DROSHA: variants seen among roughly 807,000 people sequenced by gnomAD.
DROSHA encodes ribonuclease 3.
Under a neutral mutation model 181.9 loss-of-function variants are expected in DROSHA, and 56 were observed. That is an observed-to-expected ratio of 0.31 (90% CI 0.25 to 0.38). DROSHA has a LOEUF of 0.38. DROSHA is among the 10% of genes least tolerant of loss of function. The pLI is 1.00. For missense variants in DROSHA, 1,218 were observed against 1,743.5 expected (o/e 0.70, Z 5.37); for synonymous variants, 524 against 591.2 (o/e 0.89, Z 1.65).
At chr5:31,447,469 A>G (rs1324919662) in intron 23 of DROSHA, among the ~76,000 whole-genome samples, 1 of 152,222 alleles carries the variant, frequency 6.6e-6, no homozygotes, top group Non-Finnish European at 1.5e-5. Flanking sequence ...AGAAATTGAC[A>G]AGCTAATCCA....
Position 31,484,885 on chromosome 5 carries a change from A to G in DROSHA, c.1992T>C (p.Leu664=). Residue 664 remains leucine (L), a synonymous_variant, in exon 15 of 36, where the codon CTT becomes CTC. Transcript: ENST00000344624. ...TCTTTAAATCCTATTACTTACCTTTAAGATTCCAGTCATATAATTCCAAAA... is the reference window on the plus strand; with the variant it reads ...TCTTTAAATCCTATTACTTACCTTTGAGATTCCAGTCATATAATTCCAAAA... The part of the protein sequence containing the change: ...RDILELYDWN[L]KGPLFEDSPP... 1 of 1,536,874 alleles carries G rather than the reference A, an allele frequency of 6.5e-7. No homozygotes were observed. The highest frequency in any genetic ancestry group is 8.8e-7 in the Non-Finnish European group (1 of 1,136,604).
intron 35 of DROSHA, among the ~76,000 whole-genome samples, chr5:31,404,329 G>A (rs113364715): frequency 4.6e-5 from 7 of 152,192 alleles, no homozygotes; most frequent in African/African-American, 1.7e-4. Flanking sequence ...TATGTACAAT[G>A]GATGAAGTTC....
intron 23 of DROSHA, among the ~76,000 whole-genome samples, chr5:31,445,895 A>G (rs1165634446): frequency 2.6e-5 from 4 of 152,200 alleles, no homozygotes; most frequent in Non-Finnish European, 2.9e-5. Flanking sequence ...CAATACTTCT[A>G]TTCAGTATTG....
intron 22 of DROSHA, 101 bp downstream of exon 22, chr5:31,449,180 G>T: frequency 1.4e-6 from 2 of 1,442,970 alleles, no homozygotes; most frequent in South Asian, 1.4e-5. Flanking sequence ...ATGAGACGGT[G>T]AAAGAGTCAC....
intron 35 of DROSHA, among the ~76,000 whole-genome samples, chr5:31,405,030 A>G (rs1230376307): frequency 6.6e-6 from 1 of 152,228 alleles, no homozygotes; most frequent in Admixed American, 6.5e-5. Flanking sequence ...CTTCACACGT[A>G]TACTTTTCTG....
rs371138143 is a variant in DROSHA, at chr5:31,416,045, GCA to G, written c.3526-5160_3526-5159del. On this transcript the variant is annotated intron_variant, in intron 30 of 35. Coordinates refer to ENST00000344624, the MANE Select transcript of DROSHA (RefSeq NM_001382508.1). ...CAGAACAGAATGTTTTTCCCCATCAGCATTCAAAACTTGAAAGCCATATTACA... is the reference window on the plus strand; with the variant it reads ...CAGAACAGAATGTTTTTCCCCATCAGTTCAAAACTTGAAAGCCATATTACA... Among the ~76,000 whole-genome samples the G allele has an allele frequency of 2.2e-3, 336 of 152,248 alleles. 1 individual carries two copies. The highest frequency in any genetic ancestry group is 7.7e-3 in the African/African-American group (319 of 41,536).
rs188370195 is a variant in DROSHA at position 31,452,614 on chromosome 5, C to A, written c.2575-974G>T. Among the ~76,000 whole-genome samples, 6 of 152,236 alleles carry A rather than the reference C, an allele frequency of 3.9e-5. No individual in the cohort carries two copies. The South Asian group carries it at 6.2e-4, about 16-fold the overall frequency. The stretch of plus-strand genomic sequence containing the variant: ...GACATATGCTTTATATTATTTCAGT[C>A]TTTGAAGTGTTTTAAGCTGGTATTG... On this transcript the variant is annotated intron_variant, in intron 20 of 35. Transcript: ENST00000344624.
intron 9 of DROSHA, among the ~76,000 whole-genome samples, chr5:31,509,042 C>T (rs913377656): frequency 1.3e-5 from 2 of 152,020 alleles, no homozygotes; most frequent in African/African-American, 4.8e-5. Context: ...AGGCTGGTCT[C>T]GAACTCCTGA....
chr5:31,468,615 T>A (rs989430716), intron 17 of DROSHA, among the ~76,000 whole-genome samples: 1 of 152,238 alleles, frequency 6.6e-6, no homozygotes. Context: ...GAGAGCCTCA[T>A]ATTTTTTTCT....
chr5:31,531,467 T>A lies in DROSHA; in HGVS notation c.-191A>T, dbSNP rs1006892338. On this transcript the variant is annotated 5_prime_UTR_variant, in exon 2 of 36. In the 5' UTR this introduces an upstream ATG that the reference lacks. Coordinates refer to ENST00000344624, the MANE Select transcript of DROSHA (RefSeq NM_001382508.1). ...CACTGCACCTGGAAAAGTAACTCTC[T>A]TTTCTCCGTCTGTCTCTTCTCGGTT... 2 of 152,134 alleles carry A rather than the reference T, an allele frequency of 1.3e-5. No homozygotes were observed. The highest frequency in any genetic ancestry group is 1.5e-5 in the Non-Finnish European group (1 of 68,006). 9.4% of individuals were successfully genotyped at this position (152,134 alleles called of 1,614,324 possible). A position where few individuals can be genotyped will look rare whatever the true frequency, so the allele number is the denominator to read the frequency against.
intron 31 of DROSHA, among the ~76,000 whole-genome samples, chr5:31,410,050 A>T (rs1741122982): frequency 6.6e-6 from 1 of 151,374 alleles, no homozygotes; most frequent in Non-Finnish European, 1.5e-5. Flanking sequence ...TTCATTGAAA[A>T]AGAAGTTCTT....
In DROSHA at chr5:31,493,291, A is replaced by T. The variant is rs769268830; in HGVS notation, c.1758T>A (p.Thr586=). The change falls in exon 13 of 36, where the codon ACT becomes ACA. Residue 586 remains threonine (T), a splice_region_variant and synonymous_variant. Transcript: ENST00000344624. ...CGTATTCTATAACAGTTGGCCTGTC[A>T]GTCTAAAAGCAAACAGAAACACGAA... ...ITVSPPTNFL[T]DRPTVIEYDD... 1.9e-6 allele frequency: 3 copies of T among 1,594,780 alleles called. No individual in the cohort carries two copies. The African/African-American group carries it at 4.0e-5, about 21-fold the overall frequency.
intron 17 of DROSHA, among the ~76,000 whole-genome samples, chr5:31,468,763 A>G (rs1480277161): frequency 6.6e-6 from 1 of 152,118 alleles, no homozygotes; most frequent in African/African-American, 2.4e-5. Flanking sequence ...CTTCCTTATA[A>G]TCACCTCTCA....
chr5:31,426,516 G>C (rs1479352822), intron 27 of DROSHA, among the ~76,000 whole-genome samples: 3 of 152,148 alleles, frequency 2.0e-5, no homozygotes, highest in African/African-American at 7.2e-5. Context: ...GCCTGGAGGT[G>C]TCAGATAAAG....
At chr5:31,439,113 A>G (rs927500305) in intron 23 of DROSHA, among the ~76,000 whole-genome samples, 6 of 152,206 alleles carry the variant, frequency 3.9e-5, no homozygotes, top group Non-Finnish European at 1.5e-5. Flanking sequence ...TGGAGAAATG[A>G]TAAGTTGTAT....
chr5:31,412,636 T>C (rs980559796), intron 30 of DROSHA, among the ~76,000 whole-genome samples: 2 of 152,218 alleles, frequency 1.3e-5, no homozygotes, highest in Non-Finnish European at 2.9e-5. Context: ...TTTCAGGCTA[T>C]GATTCTTTGC....
Position 31,491,817 on chromosome 5 carries a change from CAT to C in DROSHA, c.1842+1388_1842+1389del, listed in dbSNP as rs1173382921. On this transcript the variant is annotated intron_variant, in intron 13 of 35. Coordinates refer to ENST00000344624, the MANE Select transcript of DROSHA (RefSeq NM_001382508.1). ...TCTATATTTATTTATTTATTTGAGA[CAT>C]AGTTTCACTCTTCTGCCCAGGCTGG... is the stretch of plus-strand genomic sequence containing the variant. 3.9e-5 allele frequency among the ~76,000 whole-genome samples: 6 copies of C among 152,158 alleles called. No homozygotes were observed. The South Asian group carries it at 6.2e-4, about 16-fold the overall frequency.
rs1162933367 is a variant in DROSHA, at chr5:31,508,645, T to A, written c.1563A>T (p.Glu521Asp). The change falls in exon 10 of 36, where the codon GAA (glutamate) becomes GAT (aspartate). Residue 521 changes from glutamate to aspartate, a missense_variant. Around this residue, in one of 8 missense-constraint regions of DROSHA, gnomAD observed 460 missense variants for 774.2 expected, o/e 0.59. Transcript: ENST00000344624. ...CCTGGCCTGGATCGTTGTACCAAAG[T>A]TCATCATGAAGTCGGTCAGGGTGGG... ...KKAHPDRLHD[E>D]LWYNDPGQMN... is the part of the protein sequence containing the mutation. The A allele has an allele frequency of 5.0e-6, 8 of 1,613,868 alleles. No individual in the cohort carries two copies. Among genetic ancestry groups the A allele is most frequent in the Non-Finnish European group, 6.8e-6 (8 of 1,179,848 alleles).
chr5:31,424,683 G>A (rs1412089764), intron 27 of DROSHA, among the ~76,000 whole-genome samples: 2 of 151,988 alleles, frequency 1.3e-5, no homozygotes, highest in African/African-American at 2.4e-5. Flanking sequence ...ATTAAGCTAC[G>A]GGGGAAAAGA....
Sources: gnomAD v4.1 joint callset for allele counts (sites outside exome capture counted in the v4.1 genomes callset) on GRCh38, gnomAD v4.1.1 for gene constraint, gnomAD v4.1.1 regional missense constraint, MANE v1.5 for transcripts, NCBI Gene and HGNC (gene_info 2026-07-23, HGNC 2026-07-21) for gene names.